ARHGAP18: variants seen among roughly 807,000 people sequenced by gnomAD.
ARHGAP18 encodes rho GTPase-activating protein 18.
Under a neutral mutation model 86.2 loss-of-function variants are expected in ARHGAP18, and 67 were observed. The observed-to-expected ratio is 0.78, with a 90% confidence interval of 0.64 to 0.95. The LOEUF is 0.95. Ranked by LOEUF, ARHGAP18 falls within the 40% of genes least tolerant of loss-of-function variation. The pLI, the probability that ARHGAP18 is intolerant of heterozygous loss-of-function variation, is 0.00. For synonymous variants in ARHGAP18, 283 were observed against 280.4 expected, an observed-to-expected ratio of 1.01 and a Z score of -0.09; for missense variants, 691 against 780.4, an observed-to-expected ratio of 0.89 and a Z score of 1.37.
At chr6:129,596,323 A>G (rs745761004) in intron 12 of ARHGAP18, among the ~76,000 whole-genome samples, 16 of 151,974 alleles carry the variant, frequency 1.1e-4, no homozygotes, top group Admixed American at 1.0e-3. Flanking sequence ...TTTTTCACAG[A>G]CTATTCTTTC....
rs545828662 is a variant in ARHGAP18, at chr6:129,693,460, GGCCCCA to G, written c.113+16558_113+16563del. Among the ~76,000 whole-genome samples the G allele has an allele frequency of 8.5e-5, 13 of 152,264 alleles. No individual in the cohort carries two copies. The East Asian group carries it at 2.5e-3, about 29-fold the overall frequency. ...ATGATTACTAATGGGGAGAGAAGAA[GGCCCCA>G]GCCTAGGGCTTTCTCTTCTGCTCTA... On this transcript the variant is annotated intron_variant, in intron 1 of 14. Transcript: ENST00000368149.
At chr6:129,673,716 T>C (rs907164753) in intron 1 of ARHGAP18, among the ~76,000 whole-genome samples, 1 of 152,222 alleles carries the variant, frequency 6.6e-6, no homozygotes, top group African/African-American at 2.4e-5. Flanking sequence ...CTCTTTTTAA[T>C]GGTATCTGCA....
intron 1 of ARHGAP18, among the ~76,000 whole-genome samples, chr6:129,649,440 G>T (rs182436519): frequency 6.6e-6 from 1 of 150,922 alleles, no homozygotes; most frequent in African/African-American, 2.4e-5. Context: ...TGTAGTCCCA[G>T]CTACTCTGGA....
At chr6:129,620,667 C>T (rs1423191137) in intron 5 of ARHGAP18, among the ~76,000 whole-genome samples, 2 of 152,156 alleles carry the variant, frequency 1.3e-5, no homozygotes, top group South Asian at 4.1e-4. Context: ...GATTTTACTG[C>T]ATCTATTTTA....
chr6:129,629,623 A>G (rs577529815), intron 4 of ARHGAP18, 101 bp from the exon 5 acceptor site: 47 of 1,237,330 alleles, frequency 3.8e-5, no homozygotes, highest in African/African-American at 3.4e-4. Flanking sequence ...GAAGAGTACT[A>G]TTTTCTCTAG....
At position 129,681,077 on chromosome 6, in the gene ARHGAP18, G is replaced by A. The variant is rs148058367; in HGVS notation, c.113+28947C>T. Among the ~76,000 whole-genome samples, 956 of 152,054 alleles carry A rather than the reference G, an allele frequency of 6.3e-3. 11 individuals carry two copies. The highest frequency in any genetic ancestry group is 0.022 in the African/African-American group (932 of 41,488). On this transcript the variant is annotated intron_variant, in intron 1 of 14. Transcript: ENST00000368149. ...AGATCCTTAATCAGAAGTTTTTTTT[G>A]CTGTTGTTGTTGTTTTTTGAGACGA...
At chr6:129,594,445 G>T (rs972754626) in intron 12 of ARHGAP18, among the ~76,000 whole-genome samples, 1 of 151,914 alleles carries the variant, frequency 6.6e-6, no homozygotes, top group Non-Finnish European at 1.5e-5. Context: ...TTAAACATTG[G>T]AATCCCCTAG....
At chr6:129,651,268 G>T (rs138047143) in intron 1 of ARHGAP18, among the ~76,000 whole-genome samples, 42 of 152,176 alleles carry the variant, frequency 2.8e-4, no homozygotes, top group Admixed American at 1.3e-3. Context: ...GTTACTTGTG[G>T]ATGTTTAGTC....
chr6:129,600,930 T>A, intron 10 of ARHGAP18, 82 bp from the exon 11 acceptor site: 1 of 1,253,596 alleles, frequency 8.0e-7, no homozygotes. Flanking sequence ...CAATTTTTAT[T>A]TCATTGAAAA....
In ARHGAP18 at chr6:129,627,536, A is replaced by T. The variant is rs1174372281; in HGVS notation, c.786+1817T>A. Among the ~76,000 whole-genome samples, 3 of 152,080 alleles carry T rather than the reference A, an allele frequency of 2.0e-5. No homozygotes were observed. The East Asian group carries it at 5.8e-4, about 29-fold the overall frequency. On this transcript the variant is annotated intron_variant, in intron 5 of 14. Coordinates refer to ENST00000368149, the MANE Select transcript of ARHGAP18 (RefSeq NM_033515.3). The stretch of plus-strand genomic sequence containing the variant: ...AAGAAACAAAAGAACATATTAAACT[A>T]CACCAGGGGAATAGTCAGAGGGGGA...
chr6:129,672,740 C>T (rs751479299), intron 1 of ARHGAP18, among the ~76,000 whole-genome samples: 2 of 152,318 alleles, frequency 1.3e-5, no homozygotes, highest in Non-Finnish European at 2.9e-5. Context: ...CCAATAATGT[C>T]TTTGTTCATG....
rs774864287 is a variant in ARHGAP18, at chr6:129,629,539, A to G, written c.617-17T>C. The G allele has an allele frequency of 1.9e-6, 3 of 1,594,532 alleles. No individual in the cohort carries two copies. The highest frequency in any genetic ancestry group is 2.6e-6 in the Non-Finnish European group (3 of 1,174,518). On this transcript the variant is annotated splice_polypyrimidine_tract_variant and intron_variant, in intron 4 of 14. Transcript: ENST00000368149. ...ATGCCTCGTCTAGGGGCCCGGGGGG[A>G]AAGAACCCAATTCATATGCTTTATT... is the stretch of plus-strand genomic sequence containing the variant.
chr6:129,620,711 A>G (rs1166753716), intron 5 of ARHGAP18, among the ~76,000 whole-genome samples: 1 of 152,214 alleles, frequency 6.6e-6, no homozygotes, highest in Non-Finnish European at 1.5e-5. Flanking sequence ...GCGTCTTATC[A>G]TTAACACTTC....
chr6:129,587,890 T>G (rs1191875351), intron 12 of ARHGAP18, among the ~76,000 whole-genome samples: 4 of 152,164 alleles, frequency 2.6e-5, no homozygotes, highest in African/African-American at 9.7e-5. Context: ...CCCAAAGTCT[T>G]AACTCATTCC....
At chr6:129,665,014 A>T (rs1020532056) in intron 1 of ARHGAP18, among the ~76,000 whole-genome samples, 1 of 152,156 alleles carries the variant, frequency 6.6e-6, no homozygotes, top group Non-Finnish European at 1.5e-5. Context: ...ATTATTGAAA[A>T]TTTGATGATG....
chr6:129,648,826 G>T (rs1346747468), intron 1 of ARHGAP18, among the ~76,000 whole-genome samples: 3 of 152,070 alleles, frequency 2.0e-5, no homozygotes, highest in Non-Finnish European at 2.9e-5. Flanking sequence ...TGGTGAGATG[G>T]TAAAGCTATT....
At chr6:129,593,160 G>C (rs1457507925) in intron 12 of ARHGAP18, among the ~76,000 whole-genome samples, 1 of 151,968 alleles carries the variant, frequency 6.6e-6, no homozygotes, top group South Asian at 2.1e-4. Context: ...TTTTTGTTTT[G>C]TTCTAAAATA....
At position 129,634,024 on chromosome 6, in the gene ARHGAP18, A is replaced by G; in HGVS notation, c.616+18T>C. 2 of 1,578,564 alleles carry G rather than the reference A, an allele frequency of 1.3e-6. No individual in the cohort carries two copies. The highest frequency in any genetic ancestry group is 1.7e-6 in the Non-Finnish European group (2 of 1,168,100). On this transcript the variant is annotated intron_variant, in intron 4 of 14. Transcript: ENST00000368149. ...AAGGGCGGAAAAAAAAAAAAACAAG[A>G]GAACAGGTTCAACATACCATCTCTT... is the stretch of plus-strand genomic sequence containing the variant.
intron 8 of ARHGAP18, 118 bp from the exon 9 acceptor site, chr6:129,608,170 A>G: frequency 8.3e-7 from 1 of 1,206,102 alleles, no homozygotes; most frequent in Non-Finnish European, 1.1e-6. Flanking sequence ...TAGACAAGAC[A>G]AATCAGACTA....
Sources: gnomAD v4.1 joint callset for allele counts (sites outside exome capture counted in the v4.1 genomes callset) on GRCh38, gnomAD v4.1.1 for gene constraint, MANE v1.5 for transcripts, NCBI Gene and HGNC (gene_info 2026-07-23, HGNC 2026-07-21) for gene names.